The following ANK3 variants were observed in gnomAD, a reference collection of about 807,000 sequenced individuals.
The protein encoded by ANK3 is ankyrin-3.
ANK3 carries 57 observed loss-of-function variants against 370.9 expected under a neutral mutation model. The ratio of observed to expected loss-of-function variants is 0.15; its 90% confidence interval spans 0.12 to 0.19. ANK3 has a LOEUF of 0.19. Ranked by LOEUF, ANK3 falls within the 10% of genes least tolerant of loss-of-function variation. The probability of loss-of-function intolerance (pLI) is 1.00; values close to 1 mark genes in which losing one functional copy is unlikely to be tolerated. For missense variants in ANK3, 4,439 were observed against 5,302.1 expected, an observed-to-expected ratio of 0.84 and a Z score of 5.06; for synonymous variants, 1,929 against 1,946.3, an observed-to-expected ratio of 0.99 and a Z score of 0.23.
chr10:60,714,929 A>C (rs1296992916), intron 1 of ANK3, among the ~76,000 whole-genome samples: 1 of 152,168 alleles, frequency 6.6e-6, no homozygotes, highest in Non-Finnish European at 1.5e-5. Flanking sequence ...TACATTTGTC[A>C]AAACTCATAG....
intron 1 of ANK3, among the ~76,000 whole-genome samples, chr10:60,729,342 C>T (rs1465986355): frequency 6.6e-6 from 1 of 152,152 alleles, no homozygotes; most frequent in Non-Finnish European, 1.5e-5. Context: ...GCCTTGACAT[C>T]CCCCAGAGAA....
intron 5 of ANK3, 111 bp from the exon 6 acceptor site, chr10:60,264,131 T>C: frequency 1.2e-6 from 1 of 847,594 alleles, no homozygotes; most frequent in Non-Finnish European, 1.8e-6. Context: ...TGTTTGGGAT[T>C]ATTAAAACTA....
At chr10:60,065,887 T>C (rs2081544329) in intron 38 of ANK3, among the ~76,000 whole-genome samples, 1 of 152,214 alleles carries the variant, frequency 6.6e-6, no homozygotes, top group African/African-American at 2.4e-5. Context: ...ATCTATTGGA[T>C]ATTTTTTTAT....
chr10:60,707,567 G>A (rs1394783249), intron 1 of ANK3, among the ~76,000 whole-genome samples: 1 of 151,438 alleles, frequency 6.6e-6, no homozygotes, highest in Non-Finnish European at 1.5e-5. Context: ...ATACAGTTCT[G>A]ATACACTTAG....
chr10:60,406,815 A>T lies in ANK3; in HGVS notation c.97-127176T>A, dbSNP rs137972020. On this transcript the variant is annotated intron_variant, in intron 2 of 43. Transcript: ENST00000373827. ...AAGTAACTAGCACAGTGCCTGTTTT[A>T]TAGCAGATAGTTGGTAAATTTTAGT... 2.4e-3 allele frequency among the ~76,000 whole-genome samples: 369 copies of T among 152,346 alleles called. 2 individuals are homozygous for T. The highest frequency in any genetic ancestry group is 0.02 in the Middle Eastern group (6 of 294).
At chr10:60,650,835 G>C (rs933018200) in intron 1 of ANK3, among the ~76,000 whole-genome samples, 6 of 152,170 alleles carry the variant, frequency 3.9e-5, no homozygotes, top group African/African-American at 1.2e-4. Flanking sequence ...TGTAATCCCA[G>C]TACTTTGGAA....
chr10:60,140,424 C>G, intron 23 of ANK3: 21 of 1,613,252 alleles, frequency 1.3e-5, no homozygotes, highest in Non-Finnish European at 1.8e-5. Context: ...ATTCCTTAAG[C>G]AGTGATTTAG....
rs560892371 is a variant in ANK3, at chr10:60,451,002, G to A, written c.96+164184C>T. ...AAGGATCTTGAGAAGAGATTATCCT[G>A]GATTAGGGTGGACCCTGAATCCAAT... On this transcript the variant is annotated intron_variant, in intron 2 of 43. Transcript: ENST00000373827. Among the ~76,000 whole-genome samples the A allele has an allele frequency of 6.6e-5, 10 of 152,270 alleles. No homozygotes were observed. In the South Asian group the frequency reaches 1.9e-3, roughly 28 times the overall value.
At position 60,055,854 on chromosome 10, in the gene ANK3, G is replaced by C. The variant is rs774766304; in HGVS notation, c.12869C>G (p.Ser4290Cys). The change falls in exon 42 of 44, where the codon TCT (serine) becomes TGT (cysteine). Residue 4290 changes from serine (S) to cysteine (C), a missense_variant. Ser to Cys is a moderately radical substitution (Grantham distance 112). Coordinates refer to ENST00000280772, the MANE Select transcript of ANK3 (RefSeq NM_020987.5). ...KETLKPKIHG[S>C]GHVEEPASPL... Reference sequence around the variant, plus strand: ...TGATGCTGGTTCTTCAACATGACCAGATCCATGTATTTTTGGTTTCAGAGT... The same window carrying C: ...TGATGCTGGTTCTTCAACATGACCACATCCATGTATTTTTGGTTTCAGAGT... 1.2e-6 allele frequency: 2 copies of C among 1,614,138 alleles called. No homozygotes were observed. Among genetic ancestry groups the C allele is most frequent in the Admixed American group, 3.3e-5 (2 of 60,022 alleles).
At chr10:60,149,048 T>C (rs1219959466) in intron 23 of ANK3, among the ~76,000 whole-genome samples, 3 of 152,226 alleles carry the variant, frequency 2.0e-5, no homozygotes, top group African/African-American at 7.2e-5. Context: ...AACAGCGATT[T>C]TGGCCTTTTC....
intron 1 of ANK3, among the ~76,000 whole-genome samples, chr10:60,692,348 C>T (rs116956534): frequency 2.2e-3 from 342 of 152,316 alleles, no homozygotes; most frequent in Non-Finnish European, 3.7e-3. Flanking sequence ...GCCTTTCTGT[C>T]ATGGGCTGCC....
chr10:60,381,306 A>C (rs1055279730), intron 1 of ANK3, among the ~76,000 whole-genome samples: 4 of 152,148 alleles, frequency 2.6e-5, no homozygotes, highest in African/African-American at 7.2e-5. Flanking sequence ...CTGTCTGTAC[A>C]TAGGGTTCTT....
chr10:60,437,985 T>C (rs981674909), intron 2 of ANK3, among the ~76,000 whole-genome samples: 3 of 152,208 alleles, frequency 2.0e-5, no homozygotes, highest in African/African-American at 7.2e-5. Flanking sequence ...AATTATTATA[T>C]AACAGCAAAG....
At chr10:60,111,756 GAGA>G (rs751990366) in intron 26 of ANK3, 2 of 456,026 alleles carry the variant, frequency 4.4e-6, no homozygotes, top group African/African-American at 2.0e-5. Flanking sequence ...TGAGGAAGTG[GAGA>G]AGAATAGCTG....
At chr10:60,396,959 A>T (rs1181397889) in intron 2 of ANK3, among the ~76,000 whole-genome samples, 1 of 152,202 alleles carries the variant, frequency 6.6e-6, no homozygotes, top group East Asian at 1.9e-4. Flanking sequence ...TATGTTAGTG[A>T]GTTCTGACCA....
intron 2 of ANK3, among the ~76,000 whole-genome samples, chr10:60,543,886 T>C (rs979173531): frequency 1.3e-5 from 2 of 152,066 alleles, no homozygotes; most frequent in African/African-American, 4.8e-5. Flanking sequence ...TCTTTTCTCT[T>C]CTAAACTTCT....
At chr10:60,346,174 A>G (rs1420842186) in intron 1 of ANK3, among the ~76,000 whole-genome samples, 1 of 152,148 alleles carries the variant, frequency 6.6e-6, no homozygotes, top group Non-Finnish European at 1.5e-5. Flanking sequence ...GGATGAAAAC[A>G]TGGATAATTT....
rs573310851 is a variant in ANK3, at chr10:60,450,156, C to T, written c.96+165030G>A. ...TACAAAAAATAAAAAATTAGCTGGT[C>T]ATGGTGAAGTGCCTGTATTTCCAGC... On this transcript the variant is annotated intron_variant, in intron 2 of 43. Transcript: ENST00000373827. Among the ~76,000 whole-genome samples the T allele has an allele frequency of 8.6e-5, 13 of 152,020 alleles. No individual in the cohort carries two copies. The South Asian group carries it at 2.7e-3, about 32-fold the overall frequency.
At chr10:60,721,332 T>C (rs1256342866) in intron 1 of ANK3, among the ~76,000 whole-genome samples, 2 of 152,052 alleles carry the variant, frequency 1.3e-5, no homozygotes, top group Non-Finnish European at 2.9e-5. Flanking sequence ...GACTTGTATG[T>C]AGAGGTGGAA....
Sources: gnomAD v4.1 joint callset for allele counts (sites outside exome capture counted in the v4.1 genomes callset) on GRCh38, gnomAD v4.1.1 for gene constraint, MANE v1.5 for transcripts, NCBI Gene and HGNC (gene_info 2026-07-23, HGNC 2026-07-21) for gene names.